PLCE1: variants seen among roughly 807,000 people sequenced by gnomAD.
The protein encoded by PLCE1 is phospholipase C epsilon 1.
PLCE1 carries 119 observed loss-of-function variants against 242.8 expected under a neutral mutation model. The ratio of observed to expected loss-of-function variants is 0.49; its 90% CI spans 0.42 to 0.57. The LOEUF (loss-of-function observed/expected upper bound fraction) is 0.57, where lower values mean the gene tolerates loss of function less well. Among genes scored for constraint, PLCE1 ranks in the 20% least tolerant of loss-of-function variants. PLCE1 has a pLI of 0.00. For synonymous variants in PLCE1, 945 were observed against 1,017.4 expected (o/e 0.93, Z 1.35); for missense variants, 2,441 against 2,788.8 (o/e 0.88, Z 2.81).
chr10:94,078,658 G>C (rs1001313603), intron 2 of PLCE1, among the ~76,000 whole-genome samples: 6 of 152,052 alleles, frequency 3.9e-5, no homozygotes, highest in African/African-American at 1.2e-4. Flanking sequence ...GATAATTTTT[G>C]TATTTTTAGC....
chr10:94,006,498 C>A (rs1442049330), intron 1 of PLCE1, among the ~76,000 whole-genome samples: 1 of 152,182 alleles, frequency 6.6e-6, no homozygotes, highest in African/African-American at 2.4e-5. Flanking sequence ...GTTTACCTAG[C>A]CATTCTCAGC....
At chr10:94,021,794 A>T (rs916361419) in intron 1 of PLCE1, among the ~76,000 whole-genome samples, 1 of 152,160 alleles carries the variant, frequency 6.6e-6, no homozygotes, top group South Asian at 2.1e-4. Flanking sequence ...TCACGATGTT[A>T]ACCTATTAAG....
intron 22 of PLCE1, among the ~76,000 whole-genome samples, chr10:94,290,499 G>A (rs988290826): frequency 1.4e-5 from 2 of 139,318 alleles, no homozygotes; most frequent in Non-Finnish European, 3.1e-5. Flanking sequence ...CATTAGCCTC[G>A]ATCTACACAG....
intron 2 of PLCE1, among the ~76,000 whole-genome samples, chr10:94,129,082 G>A (rs950010005): frequency 2.0e-5 from 3 of 152,204 alleles, no homozygotes; most frequent in African/African-American, 7.2e-5. Flanking sequence ...TTAGGCACTT[G>A]TTGGCACCTT....
chr10:94,135,027 G>A (rs1055614515), intron 3 of PLCE1, among the ~76,000 whole-genome samples: 1 of 152,022 alleles, frequency 6.6e-6, no homozygotes, highest in Non-Finnish European at 1.5e-5. Flanking sequence ...TTCAATTTCA[G>A]CATCCTCTCC....
chr10:94,157,831 G>A (rs1590146057), intron 3 of PLCE1, among the ~76,000 whole-genome samples: 1 of 152,268 alleles, frequency 6.6e-6, no homozygotes, highest in East Asian at 1.9e-4. Flanking sequence ...GTGTAGGCTG[G>A]TGATTTCAAG....
intron 5 of PLCE1, among the ~76,000 whole-genome samples, chr10:94,230,607 G>A (rs1262419792): frequency 7.0e-6 from 1 of 142,196 alleles, no homozygotes; most frequent in Admixed American, 7.0e-5. Flanking sequence ...TTACAGGCAT[G>A]AGGTAAAAAA....
At chr10:94,060,116 G>C (rs1589937882) in intron 2 of PLCE1, among the ~76,000 whole-genome samples, 1 of 151,290 alleles carries the variant, frequency 6.6e-6, no homozygotes, top group Middle Eastern at 3.5e-3. Context: ...AGGATTAGGT[G>C]ATGTGAGAGG....
intron 6 of PLCE1, 161 bp from the exon 7 acceptor site, chr10:94,235,754 T>C: frequency 1.0e-6 from 1 of 980,698 alleles, no homozygotes; most frequent in Non-Finnish European, 1.2e-6. Context: ...ATATTTCATG[T>C]GGTGAAATGA....
chr10:94,273,903 C>G (rs1373278776), intron 19 of PLCE1, among the ~76,000 whole-genome samples, 183 bp downstream of exon 19: 2 of 152,238 alleles, frequency 1.3e-5, no homozygotes, highest in Non-Finnish European at 2.9e-5. Flanking sequence ...TCATCTCACT[C>G]ACCCAAGATT....
At chr10:94,172,177 T>C (rs563677951) in intron 4 of PLCE1, among the ~76,000 whole-genome samples, 1 of 152,278 alleles carries the variant, frequency 6.6e-6, no homozygotes, top group Non-Finnish European at 1.5e-5. Context: ...AGCCACTGGC[T>C]GACATCCCTG....
intron 19 of PLCE1, among the ~76,000 whole-genome samples, chr10:94,276,377 C>T (rs1043329750): frequency 1.3e-5 from 2 of 152,144 alleles, no homozygotes; most frequent in Admixed American, 1.3e-4. Context: ...TAGAGAAGCC[C>T]TTTTCAAAGG....
chr10:94,304,094 G>A (rs976956280), intron 24 of PLCE1, among the ~76,000 whole-genome samples: 2 of 152,178 alleles, frequency 1.3e-5, no homozygotes, highest in African/African-American at 4.8e-5. Context: ...GAGCATCTGT[G>A]GACTTTGGTA....
intron 3 of PLCE1, among the ~76,000 whole-genome samples, chr10:94,145,272 C>T (rs2047079076): frequency 6.6e-6 from 1 of 152,114 alleles, no homozygotes; most frequent in Admixed American, 6.5e-5. Flanking sequence ...GGCTACTAAC[C>T]CAGCTCTCTC....
At chr10:94,094,610 G>C (rs1209205818) in intron 2 of PLCE1, 1 of 152,276 alleles carries the variant, frequency 6.6e-6, no homozygotes, top group African/African-American at 2.4e-5. Context: ...TCAAGGAAGG[G>C]AATGATTAGA....
At chr10:94,180,220 G>A (rs990063571) in intron 4 of PLCE1, among the ~76,000 whole-genome samples, 1 of 152,000 alleles carries the variant, frequency 6.6e-6, no homozygotes, top group Non-Finnish European at 1.5e-5. Flanking sequence ...CATTTTCCTC[G>A]CAATAGGATT....
intron 2 of PLCE1, among the ~76,000 whole-genome samples, chr10:94,072,162 T>G (rs969786285): frequency 2.0e-5 from 3 of 152,238 alleles, no homozygotes; most frequent in Admixed American, 6.5e-5. Context: ...CTGTTGTTAT[T>G]GTTTGCATTT....
intron 4 of PLCE1, among the ~76,000 whole-genome samples, chr10:94,212,457 C>G (rs957627382): frequency 1.2e-4 from 19 of 152,172 alleles, no homozygotes; most frequent in Admixed American, 6.5e-5. Context: ...AGGGTTTCAC[C>G]GTGTTAGCCA....
chr10:94,260,850 T>G (rs1269763728), intron 13 of PLCE1, among the ~76,000 whole-genome samples: 1 of 152,066 alleles, frequency 6.6e-6, no homozygotes. Flanking sequence ...TTTAGAGCAA[T>G]TTTAGGTTTA....
Sources: gnomAD v4.1 joint callset for allele counts (sites outside exome capture counted in the v4.1 genomes callset) on GRCh38, gnomAD v4.1.1 for gene constraint, MANE v1.5 for transcripts, NCBI Gene and HGNC (gene_info 2026-07-23, HGNC 2026-07-21) for gene names.